Variants in AMPH observed in about 807,000 individuals in gnomAD.
The protein encoded by AMPH is amphiphysin (Stiff-Mann syndrome with breast cancer 128kD autoantigen).
A neutral mutation model predicts 99.1 loss-of-function variants in AMPH; 49 were observed. The ratio of observed to expected loss-of-function variants is 0.49; its 90% confidence interval spans 0.39 to 0.63. The LOEUF is 0.63. Among genes scored for constraint, AMPH ranks in the 20% least tolerant of loss-of-function variants. The probability of loss-of-function intolerance (pLI) is 0.00; values close to 1 mark genes in which losing one functional copy is unlikely to be tolerated. For missense variants in AMPH, 759 were observed against 863.4 expected, an observed-to-expected ratio of 0.88 and a Z score of 1.52; for synonymous variants, 314 against 317.3, an observed-to-expected ratio of 0.99 and a Z score of 0.11.
At chr7:38,487,463 T>C (rs567085894) in intron 5 of AMPH, among the ~76,000 whole-genome samples, 6 of 152,170 alleles carry the variant, frequency 3.9e-5, no homozygotes, top group Non-Finnish European at 8.8e-5. Flanking sequence ...GAAAACTGGC[T>C]AGCTATATGC....
At chr7:38,507,273 C>A (rs1789362199) in intron 2 of AMPH, among the ~76,000 whole-genome samples, 3 of 152,002 alleles carry the variant, frequency 2.0e-5, no homozygotes, top group South Asian at 4.2e-4. Context: ...CAAAATTGTA[C>A]AATAATTGCT....
intron 1 of AMPH, among the ~76,000 whole-genome samples, chr7:38,582,786 G>A (rs1792513235): frequency 6.6e-6 from 1 of 152,194 alleles, no homozygotes; most frequent in African/African-American, 2.4e-5. Flanking sequence ...GGGACGCACA[G>A]GGTCCTAGTC....
In AMPH at chr7:38,491,095, G is replaced by A. The variant is rs973125353; in HGVS notation, c.351C>T (p.Ser117=). Residue 117 remains serine, a synonymous_variant, in exon 5 of 21, where the codon TCC becomes TCT. Transcript: ENST00000356264. Reference sequence around the variant, plus strand: ...CCAGGTAGGTATCCAGTGTTAGCAAGGACCCATCCACGAGTTTTTGATGGA... The same window carrying A: ...CCAGGTAGGTATCCAGTGTTAGCAAAGACCCATCCACGAGTTTTTGATGGA... ...EDFHQKLVDG[S]LLTLDTYLGQ... 1.2e-6 allele frequency: 2 copies of A among 1,613,050 alleles called. No homozygotes were observed. Among genetic ancestry groups the A allele is most frequent in the South Asian group, 2.2e-5 (2 of 91,054 alleles).
intron 11 of AMPH, among the ~76,000 whole-genome samples, chr7:38,454,108 C>T (rs1787141656): frequency 6.6e-6 from 1 of 152,006 alleles, no homozygotes; most frequent in African/African-American, 2.4e-5. Context: ...CATCTCAAGC[C>T]CCAGTTAATT....
At chr7:38,401,087 G>C (rs1784828095) in intron 17 of AMPH, among the ~76,000 whole-genome samples, 1 of 151,986 alleles carries the variant, frequency 6.6e-6, no homozygotes, top group African/African-American at 2.4e-5. Flanking sequence ...ATACTTTATT[G>C]CTTATTCTAT....
At chr7:38,428,593 C>A in intron 14 of AMPH, 2 of 456,618 alleles carry the variant, frequency 4.4e-6, no homozygotes, top group South Asian at 1.5e-5. Flanking sequence ...GTGTCTATTG[C>A]ATTTTTCTTT....
intron 5 of AMPH, among the ~76,000 whole-genome samples, chr7:38,479,375 T>G (rs1406881643): frequency 1.3e-5 from 2 of 152,102 alleles, no homozygotes; most frequent in African/African-American, 2.4e-5. Context: ...GAAATATTTT[T>G]TTTCAGACAA....
At chr7:38,496,955 A>G (rs78855008) in intron 3 of AMPH, among the ~76,000 whole-genome samples, 5,873 of 152,272 alleles carry the variant, frequency 0.039, 361 homozygotes, top group African/African-American at 0.13. Context: ...CTTAAAATAA[A>G]ATTATATAAG....
intron 1 of AMPH, among the ~76,000 whole-genome samples, chr7:38,584,652 G>C (rs1467196355): frequency 1.3e-5 from 2 of 152,154 alleles, no homozygotes; most frequent in East Asian, 3.9e-4. Context: ...AAAAGGAAAA[G>C]AACCTCCTAG....
intron 19 of AMPH, 54 bp downstream of exon 19, chr7:38,391,694 C>G: frequency 6.4e-7 from 1 of 1,564,404 alleles, no homozygotes; most frequent in African/African-American, 1.4e-5. Context: ...AAGGCTTGAG[C>G]AAAAGGGCCT....
chr7:38,488,345 T>C (rs1451095714), intron 5 of AMPH, among the ~76,000 whole-genome samples: 1 of 151,914 alleles, frequency 6.6e-6, no homozygotes, highest in Non-Finnish European at 1.5e-5. Context: ...TATGAAGCCA[T>C]AAAAAAGGAT....
Position 38,384,811 on chromosome 7 carries a change from T to A in AMPH, c.*7A>T, listed in dbSNP as rs1310738577. 1.5e-5 allele frequency: 24 copies of A among 1,612,458 alleles called. No individual in the cohort carries two copies. In the Admixed American group the frequency reaches 4.0e-4, roughly 27 times the overall value. Reference sequence around the variant, plus strand: ...TAACTGAGCTCCTTCTTGCAGTACTTGTTGCCCTAATCTAAGCGTCGGGTG... The same window carrying A: ...TAACTGAGCTCCTTCTTGCAGTACTAGTTGCCCTAATCTAAGCGTCGGGTG... On this transcript the variant is annotated 3_prime_UTR_variant, in exon 21 of 21. Coordinates refer to ENST00000356264, the MANE Select transcript of AMPH (RefSeq NM_001635.4).
chr7:38,524,739 A>G (rs1365810100), intron 2 of AMPH, among the ~76,000 whole-genome samples: 2 of 152,214 alleles, frequency 1.3e-5, no homozygotes, highest in African/African-American at 4.8e-5. Flanking sequence ...AATTACTTCT[A>G]AATTTAAAAT....
At chr7:38,576,802 G>A (rs1792262093) in intron 1 of AMPH, among the ~76,000 whole-genome samples, 1 of 152,140 alleles carries the variant, frequency 6.6e-6, no homozygotes, top group Non-Finnish European at 1.5e-5. Context: ...TACAAAGCTG[G>A]ACTTACAGTC....
At chr7:38,502,108 C>T (rs1789160407) in intron 3 of AMPH, among the ~76,000 whole-genome samples, 1 of 152,100 alleles carries the variant, frequency 6.6e-6, no homozygotes, top group African/African-American at 2.4e-5. Context: ...ACTCACTGAG[C>T]TCTTTATATC....
At chr7:38,395,151 AGAAAGAGT>A (rs1290192839) in intron 17 of AMPH, among the ~76,000 whole-genome samples, 1 of 152,246 alleles carries the variant, frequency 6.6e-6, no homozygotes, top group African/African-American at 2.4e-5. Flanking sequence ...GTCAAAATTT[AGAAAGAGT>A]GCATTTTAGT....
At chr7:38,531,548 C>T (rs1211594873) in intron 2 of AMPH, among the ~76,000 whole-genome samples, 1 of 152,196 alleles carries the variant, frequency 6.6e-6, no homozygotes, top group African/African-American at 2.4e-5. Context: ...AGAGTTCAAA[C>T]ACAGACCTTT....
At chr7:38,593,506 C>T (rs1792935864) in intron 1 of AMPH, among the ~76,000 whole-genome samples, 1 of 152,178 alleles carries the variant, frequency 6.6e-6, no homozygotes, top group South Asian at 2.1e-4. Context: ...ATTAAAGGAC[C>T]TGTAATTTTC....
rs35881285 is a variant in AMPH at position 38,486,159 on chromosome 7, GTT to G, written c.396+4889_396+4890del. Among the ~76,000 whole-genome samples the G allele has an allele frequency of 6.4e-3, 910 of 141,934 alleles. 7 individuals carry two copies. Among genetic ancestry groups the G allele is most frequent in the Middle Eastern group, 0.022 (6 of 276 alleles). The allele number at this position is 141,934 out of a possible 152,430, so 93.1% of individuals were successfully genotyped here. A position where few individuals can be genotyped will look rare whatever the true frequency, so the allele number is the denominator to read the frequency against. ...ACAGGAAAAATCAAGGTAACTATGA[GTT>G]TTTTTTTTTTTTGAGCAGATAAAAT... On this transcript the variant is annotated intron_variant, in intron 5 of 20. Coordinates refer to ENST00000356264, the MANE Select transcript of AMPH (RefSeq NM_001635.4).
Sources: gnomAD v4.1 joint callset for allele counts (sites outside exome capture counted in the v4.1 genomes callset) on GRCh38, gnomAD v4.1.1 for gene constraint, MANE v1.5 for transcripts, NCBI Gene and HGNC (gene_info 2026-07-23, HGNC 2026-07-21) for gene names.